The following RC3H2 variants were observed in gnomAD, a reference collection of about 807,000 sequenced individuals.
RC3H2 encodes the protein roquin-2.
In RC3H2, 31 loss-of-function variants were observed where a neutral mutation model predicts 133.3. The ratio of observed to expected loss-of-function variants is 0.23; its 90% CI spans 0.17 to 0.31. The LOEUF is 0.31. Ranked by LOEUF, RC3H2 falls within the 10% of genes least tolerant of loss-of-function variation. RC3H2 has a pLI of 1.00. For missense variants in RC3H2, 1,175 were observed against 1,437.2 expected, an observed-to-expected ratio of 0.82 and a Z score of 2.95; for synonymous variants, 517 against 502.2, an observed-to-expected ratio of 1.03 and a Z score of -0.40.
rs1829902053 is a variant in RC3H2, at chr9:122,847,813, A to AT, written c.*1813dup. The AT allele has an allele frequency of 6.6e-6, 1 of 152,196 alleles. No individual in the cohort carries two copies. Among genetic ancestry groups the AT allele is most frequent in the South Asian group, 2.1e-4 (1 of 4,836 alleles). The allele number at this position is 152,196 out of a possible 1,614,324, so 9.4% of individuals were successfully genotyped here. ...AAGTCAAGGCTACTGTGCTGTTGTT[A>AT]TGCTACAAACAAACATCTTCATACA... On this transcript the variant is annotated 3_prime_UTR_variant, in exon 21 of 21. Coordinates refer to ENST00000357244, the MANE Select transcript of RC3H2 (RefSeq NM_001100588.3).
chr9:122,879,133 C>A (rs780177251), intron 8 of RC3H2, among the ~76,000 whole-genome samples: 1 of 151,130 alleles, frequency 6.6e-6, no homozygotes, highest in Non-Finnish European at 1.5e-5. Flanking sequence ...CGATGGCTCA[C>A]GCCTGTAATC....
At chr9:122,902,832 T>C (rs1031052865) in intron 1 of RC3H2, among the ~76,000 whole-genome samples, 3 of 139,298 alleles carry the variant, frequency 2.2e-5, no homozygotes, top group African/African-American at 5.4e-5. Context: ...GCATGGGTGA[T>C]AGAGAGAGAC....
chr9:122,883,682 T>C (rs1455543702), intron 4 of RC3H2, among the ~76,000 whole-genome samples: 1 of 152,106 alleles, frequency 6.6e-6, no homozygotes, highest in Non-Finnish European at 1.5e-5. Context: ...GTAAAAAAAG[T>C]CATTTATAAA....
At chr9:122,850,435 T>TATAGATAGATAAATAGATAGATAG (rs1829977262) in intron 20 of RC3H2, among the ~76,000 whole-genome samples, 3 of 149,862 alleles carry the variant, frequency 2.0e-5, no homozygotes, top group African/African-American at 5.0e-5. Context: ...GCTATCTATC[T>TATAGATAGATAAATAGATAGATAG]ATAGATAGAT....
At chr9:122,871,943 A>G (rs988796911) in intron 9 of RC3H2, among the ~76,000 whole-genome samples, 2 of 145,370 alleles carry the variant, frequency 1.4e-5, no homozygotes, top group Non-Finnish European at 3.0e-5. Flanking sequence ...TGCCCAGCCA[A>G]TTTTTTTTTT....
chr9:122,880,643 A>G lies in RC3H2; in HGVS notation c.911T>C (p.Leu304Ser). 1 of 1,614,176 alleles carries G rather than the reference A, an allele frequency of 6.2e-7. No homozygotes were observed. Among genetic ancestry groups the G allele is most frequent in the Non-Finnish European group, 8.5e-7 (1 of 1,180,024 alleles). ...RISPEQWSSL[L>S]YGDLAHKSHM... ...TGATTTATGAGCCAAATCACCATACAAAAGAGAGGACCACTGTTCAGGTGA... is the reference window on the plus strand; with the variant it reads ...TGATTTATGAGCCAAATCACCATACGAAAGAGAGGACCACTGTTCAGGTGA... The change falls in exon 6 of 21, where the codon TTG (leucine) becomes TCG (serine). Residue 304 changes from leucine (L) to serine (S), a missense_variant. Leu to Ser is a moderately radical substitution (Grantham distance 145, BLOSUM62 -2). Around this residue, in one of 8 missense-constraint regions of RC3H2, gnomAD observed 131 missense variants for 154.2 expected, o/e 0.85. Transcript: ENST00000357244.
At position 122,890,313 on chromosome 9, in the gene RC3H2, T is replaced by C; in HGVS notation, c.582A>G (p.Pro194=). ...VRARGCQFLG[P]AMQEEALKLV... is the part of the protein sequence containing the mutation. The stretch of plus-strand genomic sequence containing the variant: ...AGGTAAGATAGTAACCTATCTTACC[T>C]GGCCCTAAAAACTGGCATCCTCGAG... The change falls in exon 4 of 21, where the codon CCA becomes CCG. Residue 194 remains proline (P), a splice_region_variant and synonymous_variant. Transcript: ENST00000357244. The C allele has an allele frequency of 2.5e-6, 4 of 1,613,668 alleles. No individual in the cohort carries two copies. The highest frequency in any genetic ancestry group is 3.4e-6 in the Non-Finnish European group (4 of 1,179,590).
intron 4 of RC3H2, among the ~76,000 whole-genome samples, chr9:122,889,806 C>T (rs1832080976): frequency 6.6e-6 from 1 of 152,086 alleles, no homozygotes; most frequent in African/African-American, 2.4e-5. Flanking sequence ...TGTTTTAAAA[C>T]ACAAAAGCAC....
chr9:122,853,388 A>G (rs900044456), intron 18 of RC3H2, among the ~76,000 whole-genome samples: 4 of 151,094 alleles, frequency 2.6e-5, no homozygotes, highest in South Asian at 2.1e-4. Flanking sequence ...TAAAAAAAAA[A>G]AAAAAAAAAG....
intron 1 of RC3H2, among the ~76,000 whole-genome samples, chr9:122,898,325 C>T (rs1450657068): frequency 4.6e-5 from 7 of 151,882 alleles, no homozygotes; most frequent in Non-Finnish European, 1.0e-4. Context: ...TATATATAAC[C>T]AAAAACTGTA....
Position 122,846,703 on chromosome 9 carries a change from T to C in RC3H2, c.*2924A>G, listed in dbSNP as rs1829876539. ...CAGTTTGGTTACCCACATTACACATTTCCTCTCTTGTTGCTTTGTATCCTT... is the reference window on the plus strand; with the variant it reads ...CAGTTTGGTTACCCACATTACACATCTCCTCTCTTGTTGCTTTGTATCCTT... On this transcript the variant is annotated 3_prime_UTR_variant, in exon 21 of 21. Transcript: ENST00000357244. 6.6e-6 allele frequency: 1 copy of C among 152,218 alleles called. No homozygotes were observed. Among genetic ancestry groups the C allele is most frequent in the Non-Finnish European group, 1.5e-5 (1 of 68,028 alleles). The allele number at this position is 152,218 out of a possible 1,614,324, so 9.4% of individuals were successfully genotyped here.
At chr9:122,887,604 T>A (rs1176556948) in intron 4 of RC3H2, among the ~76,000 whole-genome samples, 2 of 152,192 alleles carry the variant, frequency 1.3e-5, no homozygotes, top group Non-Finnish European at 2.9e-5. Flanking sequence ...TGGTTATTCA[T>A]CACTTCTAAG....
rs1832119112 is a variant in RC3H2, at chr9:122,890,538, A to T, written c.357T>A (p.Ala119=). 1.2e-6 allele frequency: 2 copies of T among 1,604,952 alleles called. No homozygotes were observed. The highest frequency in any genetic ancestry group is 2.7e-5 in the African/African-American group (2 of 74,694). The change falls in exon 4 of 21, where the codon GCT becomes GCA. Residue 119 remains alanine, a synonymous_variant. Coordinates refer to ENST00000357244, the MANE Select transcript of RC3H2 (RefSeq NM_001100588.3). ...LKPLSGGKGV[A]SLNQSALSRP... ...GGCTCAGTGCACTCTGGTTCAAGCT[A>T]GCTACACCTTTAGGAAAAGGGAAAC... is the stretch of plus-strand genomic sequence containing the variant.
intron 9 of RC3H2, among the ~76,000 whole-genome samples, chr9:122,877,198 C>T (rs902283149): frequency 6.6e-6 from 1 of 152,270 alleles, no homozygotes; most frequent in East Asian, 1.9e-4. Flanking sequence ...GTCTTTTGAG[C>T]AGCTGGGACC....
intron 10 of RC3H2, 105 bp from the exon 11 acceptor site, chr9:122,860,236 A>T: frequency 1.2e-6 from 1 of 817,460 alleles, no homozygotes; most frequent in South Asian, 1.7e-5. Flanking sequence ...ACTAATAGAA[A>T]ACACTTCAGA....
chr9:122,870,536 A>C (rs926733677), intron 9 of RC3H2, among the ~76,000 whole-genome samples: 1 of 152,244 alleles, frequency 6.6e-6, no homozygotes, highest in African/African-American at 2.4e-5. Context: ...AGTGAGGTAA[A>C]GCAAGTGACA....
intron 11 of RC3H2, among the ~76,000 whole-genome samples, chr9:122,859,313 G>A (rs536287907): frequency 6.5e-5 from 8 of 123,996 alleles, no homozygotes; most frequent in African/African-American, 1.6e-4. Context: ...CAGGCTGGTC[G>A]CAAACTCCTG....
chr9:122,875,221 G>T, intron 9 of RC3H2: 1 of 1,551,142 alleles, frequency 6.4e-7, no homozygotes, highest in Non-Finnish European at 8.7e-7. Flanking sequence ...ACTGAGAAGA[G>T]AAGCATGTTT....
At chr9:122,850,437 T>TAGATAGATAGAC (rs2131376749) in intron 20 of RC3H2, among the ~76,000 whole-genome samples, 1 of 151,658 alleles carries the variant, frequency 6.6e-6, no homozygotes, top group African/African-American at 2.4e-5. Context: ...TATCTATCTA[T>TAGATAGATAGAC]AGATAGATAG....
Sources: gnomAD v4.1 joint callset for allele counts (sites outside exome capture counted in the v4.1 genomes callset) on GRCh38, gnomAD v4.1.1 for gene constraint, gnomAD v4.1.1 regional missense constraint, MANE v1.5 for transcripts, NCBI Gene and HGNC (gene_info 2026-07-23, HGNC 2026-07-21) for gene names.